Variants in STK3 observed in about 807,000 individuals in gnomAD.
STK3 encodes the protein serine/threonine-protein kinase 3.
Under a neutral mutation model 58.0 loss-of-function variants are expected in STK3, and 41 were observed. That is an observed-to-expected ratio of 0.71 (90% CI 0.55 to 0.92). The LOEUF (loss-of-function observed/expected upper bound fraction) is 0.92, where lower values mean the gene tolerates loss of function less well. Among genes scored for constraint, STK3 ranks in the 40% least tolerant of loss-of-function variants. The pLI is 0.00. For missense variants in STK3, 479 were observed against 602.7 expected, an observed-to-expected ratio of 0.79 and a Z score of 2.15; for synonymous variants, 170 against 191.0, an observed-to-expected ratio of 0.89 and a Z score of 0.91.
At chr8:98,931,767 C>G (rs1840013494) in intron 1 of STK3, among the ~76,000 whole-genome samples, 1 of 152,188 alleles carries the variant, frequency 6.6e-6, no homozygotes. Flanking sequence ...ACAACAATCT[C>G]CTTTCCTGGA....
At chr8:98,593,561 C>G (rs567421970) in intron 7 of STK3, among the ~76,000 whole-genome samples, 117 of 152,302 alleles carry the variant, frequency 7.7e-4, no homozygotes, top group African/African-American at 2.7e-3. Context: ...TGCCTACTGT[C>G]AGATCAGCAG....
intron 1 of STK3, among the ~76,000 whole-genome samples, chr8:98,941,405 A>T (rs899874063): frequency 2.0e-5 from 3 of 152,244 alleles, no homozygotes; most frequent in Non-Finnish European, 4.4e-5. Flanking sequence ...ACAGTGCGGG[A>T]AGTTCAAATG....
chr8:98,756,021 T>A (rs997253957), intron 3 of STK3, among the ~76,000 whole-genome samples: 1 of 151,926 alleles, frequency 6.6e-6, no homozygotes. Context: ...CAGGGGCCTA[T>A]AATCCCAGCT....
intron 3 of STK3, among the ~76,000 whole-genome samples, chr8:98,835,128 C>T (rs1835699394): frequency 6.6e-6 from 1 of 152,212 alleles, no homozygotes; most frequent in South Asian, 2.1e-4. Flanking sequence ...AAGTTCCATA[C>T]TCATGACTCT....
At chr8:98,805,579 AAAT>A (rs546519221) in intron 1 of STK3, among the ~76,000 whole-genome samples, 28 of 151,350 alleles carry the variant, frequency 1.9e-4, no homozygotes, top group South Asian at 6.3e-4. Context: ...CATCTCCAAA[AAAT>A]AATAATAATA....
chr8:98,701,644 A>C (rs1304778851), intron 6 of STK3, among the ~76,000 whole-genome samples: 4 of 151,048 alleles, frequency 2.6e-5, no homozygotes, highest in African/African-American at 7.3e-5. Context: ...ATATATATAT[A>C]TATCTATACA....
chr8:98,669,340 C>T (rs1184179250), intron 6 of STK3, among the ~76,000 whole-genome samples: 1 of 151,998 alleles, frequency 6.6e-6, no homozygotes, highest in Non-Finnish European at 1.5e-5. Context: ...TAAAAAAAGA[C>T]TTGGATTTTT....
chr8:98,345,535 G>A, the STK3 span, among the ~76,000 whole-genome samples: 11 of 151,948 alleles, frequency 7.2e-5, 1 homozygote, highest in African/African-American at 1.5e-4. Flanking sequence ...AGGGAAAGGC[G>A]GTCCAAAAAA....
At chr8:98,876,603 G>A (rs564344727) in intron 3 of STK3, among the ~76,000 whole-genome samples, 5 of 152,276 alleles carry the variant, frequency 3.3e-5, no homozygotes, top group South Asian at 2.1e-4. Context: ...ACTACACTGC[G>A]GCTCCACAAA....
At chr8:98,713,100 CAA>C (rs1265880426) in intron 4 of STK3, among the ~76,000 whole-genome samples, 2 of 152,098 alleles carry the variant, frequency 1.3e-5, no homozygotes, top group Non-Finnish European at 2.9e-5. Flanking sequence ...AACAAAGACA[CAA>C]CATACCAGAA....
rs543696327 is a variant in STK3, at chr8:98,902,967, T to C, written c.-78-19133A>G. Among the ~76,000 whole-genome samples the C allele has an allele frequency of 7.2e-5, 11 of 152,312 alleles. 1 individual carries two copies. Among genetic ancestry groups the C allele is most frequent in the Admixed American group, 6.5e-4 (10 of 15,288 alleles). ...AGTCTGACTCCAAAACCCAAGCCTC[T>C]CAATCACCACTGTCCTGCCTTTCAC... On this transcript the variant is annotated intron_variant, in intron 1 of 1. Transcript: ENST00000519420.
chr8:98,558,679 CT>C (rs971566207), intron 8 of STK3, among the ~76,000 whole-genome samples: 3 of 151,922 alleles, frequency 2.0e-5, no homozygotes, highest in Admixed American at 6.6e-5. Context: ...AGATTTTTTT[CT>C]TTTCTTCATT....
At chr8:98,441,522 C>A (rs532067491) in intron 1 of STK3, among the ~76,000 whole-genome samples, 68 of 152,292 alleles carry the variant, frequency 4.5e-4, no homozygotes, top group African/African-American at 1.6e-3. Flanking sequence ...TGGGTTCTAG[C>A]CCCCTCGTTT....
At chr8:98,501,799 T>C (rs1020695725) in intron 10 of STK3, among the ~76,000 whole-genome samples, 1 of 152,268 alleles carries the variant, frequency 6.6e-6, no homozygotes, top group Non-Finnish European at 1.5e-5. Flanking sequence ...GCTGTTTCAG[T>C]TACTGTAGCC....
At position 98,571,369 on chromosome 8, in the gene STK3, G is replaced by A. The variant is rs185488093; in HGVS notation, c.948+8295C>T. 1.8e-4 allele frequency among the ~76,000 whole-genome samples: 27 copies of A among 152,106 alleles called. No homozygotes were observed. The East Asian group carries it at 5.2e-3, about 29-fold the overall frequency. ...AGGTAGACTTTTGAAGGTCCCTATT[G>A]AACAGGGGTAAGGGGAAAGAGGGGA... On this transcript the variant is annotated intron_variant, in intron 8 of 10. Transcript: ENST00000419617.
chr8:98,868,104 C>T (rs956519332), intron 3 of STK3, among the ~76,000 whole-genome samples: 6 of 152,068 alleles, frequency 3.9e-5, no homozygotes, highest in African/African-American at 1.2e-4. Flanking sequence ...TCCTGAAATA[C>T]GAAAGGGAAC....
At chr8:98,665,707 A>ATTTT (rs373663162) in intron 6 of STK3, among the ~76,000 whole-genome samples, 2,759 of 138,892 alleles carry the variant, frequency 0.02, 45 homozygotes, top group Non-Finnish European at 0.029. Flanking sequence ...ACCCATCCTG[A>ATTTT]TTTTTTTTTT....
At chr8:98,696,257 C>T (rs969932074) in intron 6 of STK3, among the ~76,000 whole-genome samples, 3 of 152,170 alleles carry the variant, frequency 2.0e-5, no homozygotes, top group African/African-American at 7.2e-5. Context: ...AGATTTTGGG[C>T]TGAGACAATG....
intron 10 of STK3, among the ~76,000 whole-genome samples, chr8:98,525,937 C>T (rs140137714): frequency 1.8e-4 from 28 of 151,554 alleles, no homozygotes; most frequent in Middle Eastern, 3.9e-3. Flanking sequence ...CTTATCCATA[C>T]GTTTATTAAT....
Sources: gnomAD v4.1 joint callset for allele counts (sites outside exome capture counted in the v4.1 genomes callset) on GRCh38, gnomAD v4.1.1 for gene constraint, MANE v1.5 for transcripts, NCBI Gene and HGNC (gene_info 2026-07-23, HGNC 2026-07-21) for gene names.